Variants in MADD observed in about 807,000 individuals in gnomAD.
MADD encodes the protein MAP kinase activating death domain.
MADD carries 109 observed loss-of-function variants against 176.7 expected under a neutral mutation model. The ratio of observed to expected loss-of-function variants is 0.62; its 90% CI spans 0.53 to 0.72. MADD has a LOEUF of 0.72. MADD is among the 30% of genes least tolerant of loss of function. The pLI is 0.00. For synonymous variants in MADD, 771 were observed against 771.3 expected, an observed-to-expected ratio of 1.00 and a Z score of 0.01; for missense variants, 1,914 against 2,045.5, an observed-to-expected ratio of 0.94 and a Z score of 1.24.
At chr11:47,295,429 C>G in intron 20 of MADD, 67 bp from the exon 23 acceptor site, 1 of 1,282,646 alleles carries the variant, frequency 7.8e-7, no homozygotes, top group South Asian at 1.2e-5. Context: ...GAAAAAGGTA[C>G]AGTATTTCTG....
chr11:47,308,442 C>T (rs960837056), intron 22 of MADD, 149 bp from the exon 25 acceptor site: 12 of 570,074 alleles, frequency 2.1e-5, no homozygotes, highest in African/African-American at 2.1e-4. Flanking sequence ...CAGAAAGCAG[C>T]GTAAGTGGAC....
At chr11:47,291,893 A>C (rs575474498) in intron 19 of MADD, among the ~76,000 whole-genome samples, 1 of 152,322 alleles carries the variant, frequency 6.6e-6, no homozygotes, top group South Asian at 2.1e-4. Context: ...TTCCCTATGA[A>C]GATGCTGGTC....
intron 10 of MADD, among the ~76,000 whole-genome samples, chr11:47,283,375 G>A (rs996521051): frequency 2.0e-5 from 3 of 151,912 alleles, no homozygotes; most frequent in Non-Finnish European, 2.9e-5. Context: ...ATACAGGCGT[G>A]AGCCACCGCG....
chr11:47,289,062 T>A (rs1403659795), intron 15 of MADD, 35 bp downstream of exon 16: 1 of 1,564,106 alleles, frequency 6.4e-7, no homozygotes, highest in Admixed American at 2.2e-5. Flanking sequence ...ATGATCTTTT[T>A]TTTTTCTCTA....
chr11:47,299,472 G>C (rs1197596983), intron 22 of MADD, among the ~76,000 whole-genome samples: 2 of 148,282 alleles, frequency 1.3e-5, no homozygotes, highest in East Asian at 2.0e-4. Context: ...TTCTTTTTCT[G>C]CTATTTTATT....
intron 32 of MADD, 35 bp downstream of exon 36, chr11:47,328,739 G>A (rs2095741266): frequency 1.2e-6 from 2 of 1,613,532 alleles, no homozygotes; most frequent in Admixed American, 3.3e-5. Flanking sequence ...GGGCCACGGT[G>A]CGCAGGGCTC....
At chr11:47,324,395 C>G in intron 29 of MADD, 58 bp downstream of exon 32, 1 of 1,604,944 alleles carries the variant, frequency 6.2e-7, no homozygotes, top group Non-Finnish European at 8.5e-7. Context: ...TTCTGAGTGT[C>G]AGGGGCCTGG....
At chr11:47,307,528 T>G (rs1442284662) in intron 22 of MADD, among the ~76,000 whole-genome samples, 1 of 152,216 alleles carries the variant, frequency 6.6e-6, no homozygotes, top group Non-Finnish European at 1.5e-5. Context: ...GAGACTGGTA[T>G]TTAGTCACAC....
intron 22 of MADD, among the ~76,000 whole-genome samples, chr11:47,299,958 T>C (rs12576690): frequency 0.075 from 11,393 of 152,262 alleles, 513 homozygotes; most frequent in South Asian, 0.11. Context: ...CTTGTCTTGC[T>C]ACAGATTGTA....
chr11:47,317,812 C>T (rs184779934), intron 27 of MADD, among the ~76,000 whole-genome samples: 2 of 151,988 alleles, frequency 1.3e-5, no homozygotes, highest in Non-Finnish European at 2.9e-5. Flanking sequence ...TCTCTATCGC[C>T]CAGGCTGGAT....
rs555053699 is a variant in MADD, at chr11:47,303,473, C to T, written c.3643-5118C>T. ...CAGGATGGTCTCGATCTCCTGACCT[C>T]GTGATCTGCCTGCCTCGGCCTCCCA... On this transcript the variant is annotated intron_variant, in intron 22 of 32. Transcript: ENST00000402192. 5.9e-5 allele frequency among the ~76,000 whole-genome samples: 9 copies of T among 152,128 alleles called. No individual in the cohort carries two copies. The South Asian group carries it at 6.2e-4, about 11-fold the overall frequency.
intron 1 of MADD, among the ~76,000 whole-genome samples, chr11:47,270,486 GGGTTCA>G (rs1435856246): frequency 6.8e-6 from 1 of 147,880 alleles, no homozygotes; most frequent in East Asian, 2.0e-4. Context: ...CGGGCGGCTC[GGGTTCA>G]GGTTCGGGGC....
intron 22 of MADD, among the ~76,000 whole-genome samples, chr11:47,302,569 C>T (rs1324656649): frequency 1.3e-5 from 2 of 152,174 alleles, no homozygotes; most frequent in African/African-American, 4.8e-5. Context: ...GCTACTCTTG[C>T]TTGCTTTTGG....
chr11:47,315,197 C>T, intron 26 of MADD, 23 bp from the exon 30 acceptor site: 2 of 1,504,594 alleles, frequency 1.3e-6, no homozygotes, highest in Non-Finnish European at 1.9e-6. Context: ...ATGACTGTCC[C>T]TAAAAAATCT....
At chr11:47,273,241 T>G (rs950753183) in intron 1 of MADD, among the ~76,000 whole-genome samples, 28 of 152,332 alleles carry the variant, frequency 1.8e-4, no homozygotes, top group African/African-American at 6.3e-4. Flanking sequence ...GAGTCCAGAT[T>G]AGATGGCCTA....
chr11:47,298,359 G>T (rs2074825487), intron 22 of MADD, among the ~76,000 whole-genome samples: 1 of 152,212 alleles, frequency 6.6e-6, no homozygotes, highest in Non-Finnish European at 1.5e-5. Context: ...TAACTGTGAA[G>T]ATAGCAACCA....
chr11:47,306,059 G>A (rs973918892), intron 22 of MADD, among the ~76,000 whole-genome samples: 1 of 152,186 alleles, frequency 6.6e-6, no homozygotes, highest in Admixed American at 6.5e-5. Flanking sequence ...GGGTGGCCAA[G>A]GCACCATTTC....
At chr11:47,278,016 G>T in intron 5 of MADD, 149 bp from the exon 6 acceptor site, 1 of 636,402 alleles carries the variant, frequency 1.6e-6, no homozygotes, top group Non-Finnish European at 2.8e-6. Flanking sequence ...CAAAAAATCT[G>T]AAAAATTCTG....
Position 47,284,457 on chromosome 11 carries a change from A to G in MADD, c.2049A>G (p.Glu683=), listed in dbSNP as rs919630186. 2 of 1,614,134 alleles carry G rather than the reference A, an allele frequency of 1.2e-6. 1 individual carries two copies. The highest frequency in any genetic ancestry group is 2.2e-5 in the South Asian group (2 of 91,080). Residue 683 remains glutamate (E), a synonymous_variant, in exon 12 of 33, where the codon GAA becomes GAG. Transcript: ENST00000402192. ...AGCTGCAGAATCAGAAGGAAGCAGAAGAGCCTGGCCCAGACAGTGAGAACT... is the reference window on the plus strand; with the variant it reads ...AGCTGCAGAATCAGAAGGAAGCAGAGGAGCCTGGCCCAGACAGTGAGAACT...
Sources: gnomAD v4.1 joint callset for allele counts (sites outside exome capture counted in the v4.1 genomes callset) on GRCh38, gnomAD v4.1.1 for gene constraint, MANE v1.5 for transcripts, NCBI Gene and HGNC (gene_info 2026-07-23, HGNC 2026-07-21) for gene names.